PLS3: variants seen among roughly 807,000 people sequenced by gnomAD.
PLS3 encodes plastin-3.
PLS3 carries 11 observed loss-of-function variants against 46.5 expected under a neutral mutation model. The observed-to-expected ratio is 0.24, with a 90% CI of 0.15 to 0.39. The LOEUF is 0.39. Among genes scored for constraint, PLS3 ranks in the 10% least tolerant of loss-of-function variants. The pLI is 1.00. For missense variants in PLS3, 308 were observed against 461.8 expected (o/e 0.67, Z 3.05); for synonymous variants, 167 against 162.2 (o/e 1.03, Z -0.22).
At chrX:115,590,313 A>G (rs934338001) in intron 1 of PLS3, among the ~76,000 whole-genome samples, 1 of 111,335 alleles carries the variant, frequency 9.0e-6, no homozygotes, top group Non-Finnish European at 1.9e-5. Flanking sequence ...ATGAAAATGT[A>G]GAATTTATTG....
At chrX:115,611,773 C>A (rs953674098) in intron 2 of PLS3, among the ~76,000 whole-genome samples, 1 of 111,226 alleles carries the variant, frequency 9.0e-6, no homozygotes, top group South Asian at 3.7e-4. Flanking sequence ...ATACATTTGA[C>A]GAGTAAAAGA....
At position 115,646,276 on chromosome X, in the gene PLS3, C is replaced by T. The variant is rs1468747046; in HGVS notation, c.1377+90C>T. ...TTCTAAAACTCTTGACGCTGAGCTTCTTGAGGACAAAACTGTGTCTTATTT... is the reference window on the plus strand; with the variant it reads ...TTCTAAAACTCTTGACGCTGAGCTTTTTGAGGACAAAACTGTGTCTTATTT... On this transcript the variant is annotated intron_variant, in intron 12 of 15. Transcript: ENST00000355899. 10 of 899,651 alleles carry T rather than the reference C, an allele frequency of 1.1e-5. No individual in the cohort carries two copies. In the African/African-American group the frequency reaches 2.0e-4, roughly 18 times the overall value. 74.1% of individuals were successfully genotyped at this position (899,651 alleles called of 1,213,427 possible).
intron 7 of PLS3, 73 bp downstream of exon 7, chrX:115,635,119 CACTT>C: frequency 5.6e-6 from 5 of 891,511 alleles, no homozygotes; most frequent in African/African-American, 3.9e-5. Context: ...TTCGTGCTCT[CACTT>C]AATGGAGGTG....
intron 1 of PLS3, among the ~76,000 whole-genome samples, chrX:115,583,585 T>C (rs782733491): frequency 4.4e-5 from 5 of 112,736 alleles, no homozygotes; most frequent in African/African-American, 9.7e-5. Context: ...TTTAACGCTT[T>C]GAAGTGATGG....
At chrX:115,602,339 T>G (rs1351626245) in intron 1 of PLS3, among the ~76,000 whole-genome samples, 1 of 111,415 alleles carries the variant, frequency 9.0e-6, no homozygotes, top group Non-Finnish European at 1.9e-5. Context: ...AATAAATAAG[T>G]GGGTGAGTGT....
intron 1 of PLS3, among the ~76,000 whole-genome samples, chrX:115,578,956 A>G (rs1430997015): frequency 9.0e-6 from 1 of 110,875 alleles, no homozygotes; most frequent in African/African-American, 3.3e-5. Flanking sequence ...ACCATAGTAC[A>G]ATAGCAAAAC....
intron 1 of PLS3, among the ~76,000 whole-genome samples, chrX:115,580,136 C>T (rs2074272142): frequency 8.9e-6 from 1 of 112,157 alleles, no homozygotes; most frequent in Non-Finnish European, 1.9e-5. Context: ...AATATTTTCT[C>T]CTCGCCTGTA....
chrX:115,609,405 A>G (rs1556635802), intron 1 of PLS3, among the ~76,000 whole-genome samples: 2 of 112,230 alleles, frequency 1.8e-5, no homozygotes, highest in Non-Finnish European at 3.8e-5. Context: ...AAAATATAAT[A>G]ATTGAGTACA....
chrX:115,575,800 G>A (rs1047046711), intron 1 of PLS3, among the ~76,000 whole-genome samples: 2 of 111,366 alleles, frequency 1.8e-5, no homozygotes, highest in Admixed American at 9.6e-5. Context: ...GCTTATCATC[G>A]ACTTGTTCTC....
At chrX:115,564,587 A>G (rs35855080) in intron 1 of PLS3, among the ~76,000 whole-genome samples, 35,984 of 111,379 alleles carry the variant, frequency 0.32, 5,217 homozygotes, top group Middle Eastern at 0.49. Flanking sequence ...CTGAGAGGGT[A>G]CAAGAAGAAA....
At chrX:115,640,043 C>A (rs782668313) in intron 8 of PLS3, 81 of 818,220 alleles carry the variant, frequency 9.9e-5, no homozygotes, top group Non-Finnish European at 1.4e-5. Flanking sequence ...TGTTTATTTT[C>A]TCTTTCTTCT....
chrX:115,610,944 C>A lies in PLS3; in HGVS notation c.73+621C>A, dbSNP rs5987754. On this transcript the variant is annotated intron_variant, in intron 2 of 15. Transcript: ENST00000355899. ...AAGGTAAATATGGAGTATTTACATT[C>A]CAAATTTTAGTGCTTGGGTCAAGTC... is the stretch of plus-strand genomic sequence containing the variant. 3,752 of 809,967 alleles carry A rather than the reference C, an allele frequency of 4.6e-3. 46 individuals are homozygous for A. The African/African-American group carries it at 0.049, about 11-fold the overall frequency. The allele number at this position is 809,967 out of a possible 1,213,427, so 66.8% of individuals were successfully genotyped here.
At chrX:115,648,726 T>C (rs782217517) in intron 15 of PLS3, among the ~76,000 whole-genome samples, 2 of 112,153 alleles carry the variant, frequency 1.8e-5, no homozygotes, top group African/African-American at 6.5e-5. Flanking sequence ...TTGAAAAATA[T>C]TTCTAGCAGA....
chrX:115,613,914 T>G (rs972639313), intron 2 of PLS3, among the ~76,000 whole-genome samples: 7 of 112,248 alleles, frequency 6.2e-5, no homozygotes, highest in Admixed American at 1.9e-4. Flanking sequence ...TCTTATTTTT[T>G]TAAGTGAAGC....
At chrX:115,642,717 A>C (rs1165403599) in intron 9 of PLS3, among the ~76,000 whole-genome samples, 2 of 111,871 alleles carry the variant, frequency 1.8e-5, no homozygotes, top group African/African-American at 6.5e-5. Context: ...GCAAAATAAA[A>C]TAAAATAAGC....
At position 115,629,237 on chromosome X, in the gene PLS3, T is replaced by G; in HGVS notation, c.277T>G (p.Phe93Val). Residue 93 changes from phenylalanine to valine, a missense_variant, in exon 4 of 16, where the codon TTC (phenylalanine) becomes GTC (valine). By Grantham distance (50) the Phe-to-Val change is conservative. Coordinates refer to ENST00000355899, the MANE Select transcript of PLS3 (RefSeq NM_005032.7). ...EVKSSDIAKT[F>V]RKAINRKEGI... ...AAAAAGTAGTGATATTGCCAAGACC[T>G]TCCGCAAAGCAATCAACAGGAAAGA... The G allele has an allele frequency of 8.4e-7, 1 of 1,197,404 alleles. No homozygotes were observed. The highest frequency in any genetic ancestry group is 1.1e-6 in the Non-Finnish European group (1 of 882,691).
At chrX:115,561,405 C>G (rs1183490072) in intron 1 of PLS3, 145 bp downstream of exon 1, 2 of 111,123 alleles carry the variant, frequency 1.8e-5, no homozygotes, top group Non-Finnish European at 3.8e-5. Flanking sequence ...AGAGGGAGGT[C>G]GGAGAAATTT....
At chrX:115,638,489 C>A (rs375151510) in intron 8 of PLS3, among the ~76,000 whole-genome samples, 200 of 110,764 alleles carry the variant, frequency 1.8e-3, no homozygotes, top group South Asian at 6.5e-3. Flanking sequence ...AAGTGATCCT[C>A]CCACCTCGGC....
At chrX:115,630,728 ATG>A (rs1387680827) in intron 5 of PLS3, among the ~76,000 whole-genome samples, 6 of 96,351 alleles carry the variant, frequency 6.2e-5, no homozygotes, top group Non-Finnish European at 1.0e-4. Context: ...TATAAAATAT[ATG>A]TGTGTATATA....
Sources: allele counts gnomAD v4.1 joint callset (sites outside exome capture counted in the v4.1 genomes callset), GRCh38; gene constraint gnomAD v4.1.1; transcripts MANE v1.5; gene names NCBI Gene and HGNC (gene_info 2026-07-23, HGNC 2026-07-21).